Variants in EEA1 observed in about 807,000 individuals in gnomAD.
EEA1 encodes the protein early endosome antigen 1, also known as early endosome antigen 1, 162kD.
EEA1 carries 111 observed loss-of-function variants against 209.2 expected under a neutral mutation model. The observed-to-expected ratio is 0.53, with a 90% confidence interval of 0.45 to 0.62. The LOEUF is 0.62. Among genes scored for constraint, EEA1 ranks in the 20% least tolerant of loss-of-function variants. EEA1 has a pLI of 0.00. For synonymous variants in EEA1, 536 were observed against 540.6 expected (o/e 0.99, Z 0.12); for missense variants, 1,343 against 1,530.8 (o/e 0.88, Z 2.05).
At chr12:92,857,613 A>T in intron 3 of EEA1, 128 bp from the exon 4 acceptor site, 1 of 535,216 alleles carries the variant, frequency 1.9e-6, no homozygotes, top group Non-Finnish European at 3.1e-6. Flanking sequence ...AAACTACGGA[A>T]GATTTTATCT....
chr12:92,807,328 A>G (rs1467457083), intron 18 of EEA1, among the ~76,000 whole-genome samples: 1 of 152,190 alleles, frequency 6.6e-6, no homozygotes, highest in Non-Finnish European at 1.5e-5. Context: ...AAAAACCTAC[A>G]GCTAACCTCA....
At chr12:92,825,953 C>T (rs527997547) in intron 13 of EEA1, among the ~76,000 whole-genome samples, 1 of 150,634 alleles carries the variant, frequency 6.6e-6, no homozygotes, top group African/African-American at 2.4e-5. Context: ...GTTGGAAAAA[C>T]TTTTCAACAT....
intron 2 of EEA1, among the ~76,000 whole-genome samples, chr12:92,880,669 G>A (rs1045254343): frequency 2.6e-5 from 4 of 152,100 alleles, no homozygotes; most frequent in Non-Finnish European, 5.9e-5. Context: ...TAGAGACGGG[G>A]TTTCACAGTG....
intron 2 of EEA1, among the ~76,000 whole-genome samples, chr12:92,889,887 C>T (rs1371413955): frequency 6.6e-6 from 1 of 152,120 alleles, no homozygotes; most frequent in African/African-American, 2.4e-5. Context: ...GCACTCCAGT[C>T]TGGGCAATAG....
At chr12:92,902,828 G>A (rs1880209002) in intron 1 of EEA1, among the ~76,000 whole-genome samples, 1 of 151,668 alleles carries the variant, frequency 6.6e-6, no homozygotes, top group Non-Finnish European at 1.5e-5. Context: ...AGAGATGAGA[G>A]GGCATTCCAA....
chr12:92,910,546 A>C (rs1418194012), intron 1 of EEA1, among the ~76,000 whole-genome samples: 1 of 152,188 alleles, frequency 6.6e-6, no homozygotes, highest in Non-Finnish European at 1.5e-5. Flanking sequence ...CCTAGAAGAT[A>C]ACATAGGAGA....
chr12:92,882,313 G>A (rs930440755), intron 2 of EEA1, among the ~76,000 whole-genome samples: 1 of 151,832 alleles, frequency 6.6e-6, no homozygotes, highest in Non-Finnish European at 1.5e-5. Flanking sequence ...TCATCACGTT[G>A]GCCAGGCTGG....
chr12:92,925,351 A>G (rs887002766), intron 1 of EEA1, among the ~76,000 whole-genome samples: 2 of 152,110 alleles, frequency 1.3e-5, no homozygotes, highest in Non-Finnish European at 2.9e-5. Flanking sequence ...AGTAGTTGGG[A>G]CTACAGGCGT....
At chr12:92,812,954 G>A in intron 16 of EEA1, 26 bp downstream of exon 16, 1 of 1,471,026 alleles carries the variant, frequency 6.8e-7, no homozygotes, top group Non-Finnish European at 9.4e-7. Flanking sequence ...CTAGGTGATA[G>A]TATGAAATTG....
At chr12:92,848,226 T>C (rs1194834672) in intron 9 of EEA1, among the ~76,000 whole-genome samples, 1 of 150,418 alleles carries the variant, frequency 6.6e-6, no homozygotes, top group Admixed American at 6.6e-5. Flanking sequence ...GAAATACCTT[T>C]TCTAGAAAAA....
chr12:92,858,118 T>C, intron 3 of EEA1: 1 of 544,818 alleles, frequency 1.8e-6, no homozygotes, highest in South Asian at 2.0e-5. Context: ...AGGTGTTCAT[T>C]GAGAAGGGCA....
chr12:92,928,521 G>GC (rs1462438420), intron 1 of EEA1, among the ~76,000 whole-genome samples: 1 of 152,192 alleles, frequency 6.6e-6, no homozygotes, highest in Non-Finnish European at 1.5e-5. Flanking sequence ...CTAGGCCGGG[G>GC]CTCACCACAC....
chr12:92,851,987 T>C (rs766728284), intron 8 of EEA1, among the ~76,000 whole-genome samples, 188 bp downstream of exon 8: 1 of 152,118 alleles, frequency 6.6e-6, no homozygotes, highest in South Asian at 2.1e-4. Context: ...AAGTTACGTA[T>C]CATAACATTC....
chr12:92,802,806 T>C (rs1874991345), intron 18 of EEA1, 72 bp from the exon 19 acceptor site: 2 of 1,225,268 alleles, frequency 1.6e-6, no homozygotes, highest in Admixed American at 3.4e-5. Flanking sequence ...TCAAAATTAA[T>C]CACAAACAAT....
intron 21 of EEA1, among the ~76,000 whole-genome samples, chr12:92,788,337 C>G (rs1208233436): frequency 6.6e-6 from 1 of 151,240 alleles, no homozygotes; most frequent in East Asian, 1.9e-4. Flanking sequence ...AGAGTAACAA[C>G]TACATTCTGA....
intron 12 of EEA1, 138 bp downstream of exon 12, chr12:92,827,774 G>A (rs1365690637): frequency 7.1e-6 from 6 of 840,274 alleles, no homozygotes; most frequent in Admixed American, 3.1e-5. Context: ...TAGTTAATAA[G>A]CAAGATGTTG....
intron 3 of EEA1, chr12:92,858,616 C>A: frequency 1.4e-6 from 1 of 735,326 alleles, no homozygotes; most frequent in South Asian, 1.4e-5. Context: ...TGGGTTATGC[C>A]CTGATTCTAC....
At chr12:92,825,520 C>A (rs1876256417) in intron 13 of EEA1, among the ~76,000 whole-genome samples, 1 of 151,416 alleles carries the variant, frequency 6.6e-6, no homozygotes, top group South Asian at 2.1e-4. Context: ...AGCATTTGGG[C>A]AACCTCCCCT....
chr12:92,812,714 G>A (rs1337743935), intron 16 of EEA1, among the ~76,000 whole-genome samples: 2 of 152,104 alleles, frequency 1.3e-5, no homozygotes, highest in African/African-American at 2.4e-5. Context: ...TCTACACCAA[G>A]GTCTAGGCTA....
Sources: gnomAD v4.1 joint callset for allele counts (sites outside exome capture counted in the v4.1 genomes callset) on GRCh38, gnomAD v4.1.1 for gene constraint, MANE v1.5 for transcripts, NCBI Gene and HGNC (gene_info 2026-07-23, HGNC 2026-07-21) for gene names.